The following RWDD2B variants were observed in gnomAD, a reference collection of about 807,000 sequenced individuals.
RWDD2B encodes the protein RWD domain containing 2B, also known as RWD domain-containing protein 2B.
A neutral mutation model predicts 33.6 loss-of-function variants in RWDD2B; 36 were observed. The ratio of observed to expected loss-of-function variants is 1.07; its 90% CI spans 0.82 to 1.42. RWDD2B has a LOEUF of 1.42. Ranked by LOEUF, RWDD2B falls within the 40% of genes most tolerant of loss-of-function variation. The probability of loss-of-function intolerance (pLI) is 0.00; values close to 1 mark genes in which losing one functional copy is unlikely to be tolerated. For missense variants in RWDD2B, 364 were observed against 377.5 expected, an observed-to-expected ratio of 0.96 and a Z score of 0.30; for synonymous variants, 126 against 133.1, an observed-to-expected ratio of 0.95 and a Z score of 0.37.
chr21:29,015,069 T>C (rs1601024237), intron 1 of RWDD2B, among the ~76,000 whole-genome samples: 1 of 152,076 alleles, frequency 6.6e-6, no homozygotes, highest in African/African-American at 2.4e-5. Context: ...CTTTCAACAA[T>C]TGAAAAATGC....
At chr21:29,011,167 T>C (rs187522722) in intron 1 of RWDD2B, among the ~76,000 whole-genome samples, 4 of 138,408 alleles carry the variant, frequency 2.9e-5, no homozygotes, top group Non-Finnish European at 4.6e-5. Flanking sequence ...CCTGGCTGCC[T>C]AGTCTGGAAA....
intron 1 of RWDD2B, among the ~76,000 whole-genome samples, chr21:29,018,843 T>TAA (rs1172567619): frequency 6.6e-6 from 1 of 152,108 alleles, no homozygotes; most frequent in Non-Finnish European, 1.5e-5. Context: ...TTTTAAAAAA[T>TAA]AAAATATATT....
chr21:29,016,967 C>CT (rs34630060), intron 1 of RWDD2B, among the ~76,000 whole-genome samples: 56,800 of 150,686 alleles, frequency 0.38, 11,875 homozygotes, highest in South Asian at 0.51. Flanking sequence ...TTAAAAAAAC[C>CT]TTTTTTTTTG....
chr21:29,007,375 T>C (rs1237078346), intron 4 of RWDD2B, among the ~76,000 whole-genome samples: 1 of 152,238 alleles, frequency 6.6e-6, no homozygotes, highest in Non-Finnish European at 1.5e-5. Context: ...CCCTGGGACA[T>C]ACTTATCTCC....
In RWDD2B at chr21:29,005,561, A is replaced by G. The variant is rs1160182309; in HGVS notation, c.*856T>C. 6.6e-6 allele frequency: 1 copy of G among 152,084 alleles called. No individual in the cohort carries two copies. Among genetic ancestry groups the G allele is most frequent in the Non-Finnish European group, 1.5e-5 (1 of 68,058 alleles). The allele number at this position is 152,084 out of a possible 1,614,324, so 9.4% of individuals were successfully genotyped here. ...AGACCAGCCTGGCCAAAATGGTGAC[A>G]CCCTGTCTCTACTAAAAAACACAAA... On this transcript the variant is annotated 3_prime_UTR_variant, in exon 5 of 5. Coordinates refer to ENST00000493196, the MANE Select transcript of RWDD2B (RefSeq NM_016940.3).
chr21:29,006,486 G>T lies in RWDD2B; in HGVS notation c.891C>A (p.Leu297=). The part of the protein sequence containing the change: ...ARGNHMDFGQ[L]YQFLNTKGCG... Reference sequence around the variant, plus strand: ...ATCCTTTGGTGTTTAAGAACTGATAGAGCTGACCAAAGTCCATGTGGTTTC... The same window carrying T: ...ATCCTTTGGTGTTTAAGAACTGATATAGCTGACCAAAGTCCATGTGGTTTC... The change falls in exon 5 of 5, where the codon CTC becomes CTA. Residue 297 remains leucine (L), a synonymous_variant. Transcript: ENST00000493196. 1 of 1,614,098 alleles carries T rather than the reference G, an allele frequency of 6.2e-7. No individual in the cohort carries two copies. The highest frequency in any genetic ancestry group is 1.1e-5 in the South Asian group (1 of 91,076).
At chr21:29,009,858 T>C (rs1008577868) in intron 1 of RWDD2B, among the ~76,000 whole-genome samples, 10 of 152,180 alleles carry the variant, frequency 6.6e-5, no homozygotes, top group Admixed American at 1.3e-4. Flanking sequence ...GTGAGATATA[T>C]ACAGTATACA....
At chr21:29,006,682 C>T in intron 4 of RWDD2B, 31 bp from the exon 5 acceptor site, 1 of 1,302,448 alleles carries the variant, frequency 7.7e-7, no homozygotes, top group Non-Finnish European at 1.1e-6. Flanking sequence ...TAAACATTTT[C>T]AAAATGTATA....
rs1188676129 is a variant in RWDD2B at position 29,010,792 on chromosome 21, C to T, written c.68-2171G>A. 5.9e-5 allele frequency among the ~76,000 whole-genome samples: 9 copies of T among 151,354 alleles called. No homozygotes were observed. The East Asian group carries it at 1.4e-3, about 24-fold the overall frequency. On this transcript the variant is annotated intron_variant, in intron 1 of 4. Transcript: ENST00000493196. Reference sequence around the variant, plus strand: ...GCCTGATTCTCCTGCCTCAGCCTGCCGAGTGCCTGCGATTGCAGGCGCGCG... The same window carrying T: ...GCCTGATTCTCCTGCCTCAGCCTGCTGAGTGCCTGCGATTGCAGGCGCGCG...
chr21:29,014,322 T>A (rs1271938122), intron 1 of RWDD2B, among the ~76,000 whole-genome samples: 3 of 152,224 alleles, frequency 2.0e-5, no homozygotes, highest in Admixed American at 2.0e-4. Flanking sequence ...CTTTGGGAAC[T>A]TTTTCAACCC....
intron 1 of RWDD2B, among the ~76,000 whole-genome samples, chr21:29,010,627 A>T (rs1320986325): frequency 7.1e-6 from 1 of 141,740 alleles, no homozygotes; most frequent in Non-Finnish European, 1.5e-5. Flanking sequence ...AAATAAAAAA[A>T]AAAAACCAAA....
intron 1 of RWDD2B, among the ~76,000 whole-genome samples, chr21:29,017,158 A>G (rs1215170012): frequency 6.6e-6 from 1 of 151,596 alleles, no homozygotes; most frequent in Non-Finnish European, 1.5e-5. Flanking sequence ...GGCATGAGCC[A>G]CCGTGTCCGG....
intron 1 of RWDD2B, among the ~76,000 whole-genome samples, chr21:29,011,826 C>T (rs1601022063): frequency 1.5e-5 from 2 of 131,826 alleles, no homozygotes; most frequent in South Asian, 5.0e-4. Flanking sequence ...CGCCTCTGCC[C>T]GGCCGCCCCT....
intron 4 of RWDD2B, among the ~76,000 whole-genome samples, 196 bp downstream of exon 4, chr21:29,007,565 A>G (rs1201124022): frequency 6.6e-6 from 1 of 152,216 alleles, no homozygotes; most frequent in Non-Finnish European, 1.5e-5. Context: ...ATTACTGAAT[A>G]TCATTCTGAT....
rs764713019 is a variant in RWDD2B at position 29,019,274 on chromosome 21, T to C, written c.4A>G (p.Lys2Glu). 2.5e-6 allele frequency: 4 copies of C among 1,603,070 alleles called. No homozygotes were observed. Among genetic ancestry groups the C allele is most frequent in the Non-Finnish European group, 3.4e-6 (4 of 1,175,298 alleles). Residue 2 changes from lysine to glutamate, a missense_variant, in exon 1 of 5, where the codon AAA (lysine) becomes GAA (glutamate). Transcript: ENST00000493196. MKIELSMQPWNP... is the reference protein window; with the variant it reads MEIELSMQPWNP... ...CATGGCTGCATGGACAGCTCAATTTTCATCAGAAGGGAGCCTCAAAATTCT... is the reference window on the plus strand; with the variant it reads ...CATGGCTGCATGGACAGCTCAATTTCCATCAGAAGGGAGCCTCAAAATTCT...
At chr21:29,007,104 G>A (rs2084832350) in intron 4 of RWDD2B, among the ~76,000 whole-genome samples, 2 of 152,206 alleles carry the variant, frequency 1.3e-5, no homozygotes, top group African/African-American at 4.8e-5. Flanking sequence ...GTAGAGAAAT[G>A]AGACTAGTGG....
chr21:29,018,355 T>C (rs2084899802), intron 1 of RWDD2B, among the ~76,000 whole-genome samples: 1 of 152,210 alleles, frequency 6.6e-6, no homozygotes, highest in Admixed American at 6.5e-5. Flanking sequence ...ACCTGTTAAA[T>C]AGAGAGGTCT....
intron 1 of RWDD2B, among the ~76,000 whole-genome samples, chr21:29,009,411 T>G (rs866938911): frequency 8.5e-4 from 94 of 110,144 alleles, no homozygotes; most frequent in African/African-American, 2.6e-3. Flanking sequence ...TTTTTTTTTT[T>G]GAAACGGAGT....
intron 1 of RWDD2B, among the ~76,000 whole-genome samples, chr21:29,011,622 C>G (rs1247515150): frequency 7.0e-6 from 1 of 143,274 alleles, no homozygotes; most frequent in Non-Finnish European, 1.5e-5. Flanking sequence ...CCAGCCGCCC[C>G]GTCCGGGAGG....
Sources: allele counts gnomAD v4.1 joint callset (sites outside exome capture counted in the v4.1 genomes callset), GRCh38; gene constraint gnomAD v4.1.1; transcripts MANE v1.5; gene names NCBI Gene and HGNC (gene_info 2026-07-23, HGNC 2026-07-21).